Variants in DDX5 observed in about 807,000 individuals in gnomAD.
DDX5 encodes probable ATP-dependent RNA helicase DDX5.
In DDX5, 6 loss-of-function variants were observed where a neutral mutation model predicts 68.6. The observed-to-expected ratio is 0.09, with a 90% confidence interval of 0.05 to 0.17. DDX5 has a LOEUF of 0.17. Among genes scored for constraint, DDX5 ranks in the 10% least tolerant of loss-of-function variants. The pLI is 1.00. For missense variants in DDX5, 499 were observed against 756.1 expected, an observed-to-expected ratio of 0.66 and a Z score of 3.99; for synonymous variants, 350 against 247.0, an observed-to-expected ratio of 1.42 and a Z score of -3.91.
At chr17:64,502,669 C>G in intron 8 of DDX5, 120 bp from the exon 9 acceptor site, 4 of 795,476 alleles carry the variant, frequency 5.0e-6, no homozygotes, top group Non-Finnish European at 7.9e-6. Context: ...AAAGAGGAAA[C>G]GCCTGCTAAT....
At chr17:64,503,913 A>G in intron 4 of DDX5, 45 bp from the exon 5 acceptor site, 1 of 1,612,918 alleles carries the variant, frequency 6.2e-7, no homozygotes, top group Non-Finnish European at 8.5e-7. Flanking sequence ...ACATTAAAAT[A>G]CTCGTTTTTA....
In DDX5 at chr17:64,500,707, C is replaced by T; in HGVS notation, c.1283G>A (p.Arg428Gln). Residue 428 changes from arginine to glutamine, a missense_variant, in exon 12 of 13, where the codon CGA becomes CAA. Around this residue, in one of 5 missense-constraint regions of DDX5, gnomAD observed 26 missense variants for 128.2 expected, o/e 0.20. Coordinates refer to ENST00000225792, the MANE Select transcript of DDX5 (RefSeq NM_004396.5). Reference sequence around the variant, plus strand: ...GGTACTGCGAGCAGTTCTTCCAATTCGATGAATATAATCCTCTGAGGAGTT... The same window carrying T: ...GGTACTGCGAGCAGTTCTTCCAATTTGATGAATATAATCCTCTGAGGAGTT... The part of the protein sequence containing the change: ...YPNSSEDYIH[R>Q]IGRTARSTKT... 6.2e-7 allele frequency: 1 copy of T among 1,614,130 alleles called. No individual in the cohort carries two copies. The highest frequency in any genetic ancestry group is 8.5e-7 in the Non-Finnish European group (1 of 1,180,008).
At chr17:64,506,478 A>C (rs905422463), upstream of DDX5, 2 of 1,076,644 alleles carry the variant, frequency 1.9e-6, no homozygotes, top group Non-Finnish European at 2.5e-6. Flanking sequence ...CCCACCCACC[A>C]TTGGAATGCC....
At position 64,504,222 on chromosome 17, in the gene DDX5, C is replaced by G. The variant is rs1170744585; in HGVS notation, c.307G>C (p.Ala103Pro). ...VLNFYEANFP[A>P]NVMDVIARQN... ...GGTAGAACTGAAAAGTAGCACTTAC[C>G]AGGGAAATTGGCTTCATAAAAATTT... The change falls in exon 3 of 13, where the codon GCA becomes CCA. Residue 103 changes from alanine to proline, a missense_variant and splice_region_variant. By Grantham distance (27) the Ala-to-Pro change is conservative. Coordinates refer to ENST00000225792, the MANE Select transcript of DDX5 (RefSeq NM_004396.5). 3.1e-6 allele frequency: 5 copies of G among 1,613,828 alleles called. No homozygotes were observed. In the Admixed American group the frequency reaches 6.7e-5, roughly 22 times the overall value.
intron 1 of DDX5, chr17:64,505,183 G>A: frequency 3.6e-6 from 1 of 275,884 alleles, no homozygotes; most frequent in Non-Finnish European, 6.8e-6. Flanking sequence ...CACCAGCCTA[G>A]CAATTCACTA....
At chr17:64,500,356 A>T (rs2038266445) in intron 12 of DDX5, 30 bp from the exon 13 acceptor site, 1 of 1,582,586 alleles carries the variant, frequency 6.3e-7, no homozygotes, top group Non-Finnish European at 8.6e-7. Flanking sequence ...AAATTGATCA[A>T]TTATGTCTAT....
In DDX5 at chr17:64,500,045, G is replaced by C. The variant is rs782325312; in HGVS notation, c.1723C>G (p.Gln575Glu). 12 of 1,614,192 alleles carry C rather than the reference G, an allele frequency of 7.4e-6. No homozygotes were observed. The highest frequency in any genetic ancestry group is 9.3e-6 in the Non-Finnish European group (11 of 1,180,036). ...GTYQNGYDST[Q>E]QYGSNVPNMH... is the part of the protein sequence containing the mutation. ...TTTGGAACATTACTTCCGTATTGCT[G>C]AGTGCTATCATAACCATTCTGGTAA... is the stretch of plus-strand genomic sequence containing the variant. Residue 575 changes from glutamine (Q) to glutamate (E), a missense_variant, in exon 13 of 13, where the codon CAG becomes GAG. This residue lies in a region of DDX5 where 171 missense variants were observed against 174.8 expected (regional missense o/e 0.98). Coordinates refer to ENST00000225792, the MANE Select transcript of DDX5 (RefSeq NM_004396.5).
Position 64,500,212 on chromosome 17 carries a change from G to A in DDX5, c.1556C>T (p.Ser519Phe). Residue 519 changes from serine to phenylalanine, a missense_variant, in exon 13 of 13, where the codon TCT (serine) becomes TTT (phenylalanine). Ser to Phe is a radical substitution (Grantham distance 155, BLOSUM62 -2). This residue lies in a region of DDX5 where 171 missense variants were observed against 174.8 expected (regional missense o/e 0.98). Transcript: ENST00000225792. ...CCCAAAATCTCTTTTAAGCAGGCTA[G>A]AGTAACCTCTGTCATAATTTTCCCT... ...RDRENYDRGY[S>F]SLLKRDFGAK... 1 of 1,614,158 alleles carries A rather than the reference G, an allele frequency of 6.2e-7. No individual in the cohort carries two copies. The highest frequency in any genetic ancestry group is 8.5e-7 in the Non-Finnish European group (1 of 1,180,020).
In DDX5 at chr17:64,499,711, T is replaced by C; in HGVS notation, c.*212A>G. 2.2e-6 allele frequency: 1 copy of C among 462,164 alleles called. No homozygotes were observed. The highest frequency in any genetic ancestry group is 5.5e-5 in the South Asian group (1 of 18,268). 28.6% of individuals were successfully genotyped at this position (462,164 alleles called of 1,614,324 possible). ...TGTACATTTACTTTTGTGAAAACACTGCCTGCATTTTCTAGTACAAAAAAA... is the reference window on the plus strand; with the variant it reads ...TGTACATTTACTTTTGTGAAAACACCGCCTGCATTTTCTAGTACAAAAAAA... On this transcript the variant is annotated 3_prime_UTR_variant, in exon 13 of 13. Coordinates refer to ENST00000225792, the MANE Select transcript of DDX5 (RefSeq NM_004396.5).
intron 9 of DDX5, 25 bp from the exon 10 acceptor site, chr17:64,502,248 A>G: frequency 1.2e-6 from 2 of 1,603,774 alleles, no homozygotes; most frequent in South Asian, 1.1e-5. Context: ...AAGTTGTGTT[A>G]TTAAACTCAC....
At chr17:64,504,897 G>A (rs1372803465) in intron 1 of DDX5, 55 bp from the exon 2 acceptor site, 5 of 1,530,664 alleles carry the variant, frequency 3.3e-6, no homozygotes, top group Admixed American at 2.2e-5. Context: ...CCAGGTTTCT[G>A]TATAGATTTG....
intron 12 of DDX5, 105 bp downstream of exon 12, chr17:64,500,442 TAA>T (rs2038269814): frequency 6.6e-7 from 1 of 1,520,104 alleles, no homozygotes; most frequent in South Asian, 1.2e-5. Context: ...TTTTTCAGCT[TAA>T]GTTTTCACAT....
At position 64,502,082 on chromosome 17, in the gene DDX5, G is replaced by A. The variant is rs147277290; in HGVS notation, c.1157-13C>T. 15 of 1,613,982 alleles carry A rather than the reference G, an allele frequency of 9.3e-6. No homozygotes were observed. In the East Asian group the frequency reaches 2.2e-4, roughly 24 times the overall value. The stretch of plus-strand genomic sequence containing the variant: ...CCATGTTTGAATTCTACAAAGGAAG[G>A]CATATACATGATCAATTATCTGAGC... On this transcript the variant is annotated splice_polypyrimidine_tract_variant and intron_variant, in intron 10 of 12. Coordinates refer to ENST00000225792, the MANE Select transcript of DDX5 (RefSeq NM_004396.5).
At chr17:64,503,767 T>A in intron 5 of DDX5, 36 bp downstream of exon 5, 2 of 1,593,574 alleles carry the variant, frequency 1.3e-6, no homozygotes, top group African/African-American at 1.4e-5. Context: ...ATCTACACAT[T>A]ATGCTTCTAA....
At chr17:64,504,375 C>A in intron 2 of DDX5, 57 bp from the exon 3 acceptor site, 5 of 1,425,210 alleles carry the variant, frequency 3.5e-6, no homozygotes, top group East Asian at 2.3e-5. Flanking sequence ...TAGCTAAATA[C>A]GTAATTGATA....
At chr17:64,502,788 G>T (rs937672720) in intron 8 of DDX5, 138 bp downstream of exon 8, 4 of 919,552 alleles carry the variant, frequency 4.3e-6, no homozygotes, top group South Asian at 1.9e-5. Flanking sequence ...AAGGATTCAA[G>T]AAATTTTCAG....
At chr17:64,500,385 CAGAA>C (rs1289914314) in intron 12 of DDX5, 59 bp from the exon 13 acceptor site, 27 of 1,550,884 alleles carry the variant, frequency 1.7e-5, no homozygotes, top group Middle Eastern at 1.7e-4. Context: ...TCATTGTGGA[CAGAA>C]AGAAACAGAT....
intron 1 of DDX5, 143 bp downstream of exon 1, chr17:64,505,933 A>C (rs1181776461): frequency 1.3e-6 from 2 of 1,534,424 alleles, no homozygotes; most frequent in Non-Finnish European, 1.7e-6. Context: ...GAATATCAAA[A>C]TGGCGCAAGC....
chr17:64,503,941 C>T, intron 4 of DDX5, 42 bp downstream of exon 4: 3 of 1,613,836 alleles, frequency 1.9e-6, no homozygotes, highest in Non-Finnish European at 2.5e-6. Flanking sequence ...ATTACATTTT[C>T]TTGCATATAT....
Sources: gnomAD v4.1 joint callset for allele counts on GRCh38, gnomAD v4.1.1 for gene constraint, gnomAD v4.1.1 regional missense constraint, MANE v1.5 for transcripts, NCBI Gene and HGNC (gene_info 2026-07-23, HGNC 2026-07-21) for gene names.